IMMP1L: variants seen among roughly 807,000 people sequenced by gnomAD.
IMMP1L encodes the protein mitochondrial inner membrane protease subunit 1.
A neutral mutation model predicts 21.8 loss-of-function variants in IMMP1L; 24 were observed. The observed-to-expected ratio is 1.10, with a 90% CI of 0.80 to 1.55. IMMP1L has a LOEUF of 1.55. Ranked by LOEUF, IMMP1L falls within the 40% of genes most tolerant of loss-of-function variation. The pLI is 0.00. For missense variants in IMMP1L, 195 were observed against 200.7 expected (o/e 0.97, Z 0.17); for synonymous variants, 46 against 62.8 (o/e 0.73, Z 1.26).
chr11:31,451,091 T>C (rs527629962), intron 4 of IMMP1L, among the ~76,000 whole-genome samples: 1 of 152,146 alleles, frequency 6.6e-6, no homozygotes, highest in Non-Finnish European at 1.5e-5. Flanking sequence ...GATAAATGAA[T>C]GGGCATTATT....
At chr11:31,474,900 G>C (rs1048570910) in intron 1 of IMMP1L, among the ~76,000 whole-genome samples, 1 of 152,042 alleles carries the variant, frequency 6.6e-6, no homozygotes, top group Admixed American at 6.6e-5. Context: ...CTACATCACA[G>C]AGCTAATGAA....
At chr11:31,479,367 C>T (rs1221023289) in intron 1 of IMMP1L, among the ~76,000 whole-genome samples, 1 of 151,996 alleles carries the variant, frequency 6.6e-6, no homozygotes, top group African/African-American at 2.4e-5. Context: ...TTATGTATCA[C>T]ACAGAAAGAT....
intron 1 of IMMP1L, among the ~76,000 whole-genome samples, chr11:31,470,142 C>T (rs1368343635): frequency 6.6e-6 from 1 of 152,172 alleles, no homozygotes; most frequent in African/African-American, 2.4e-5. Flanking sequence ...GGGCTGGGTG[C>T]AGTGGCTCAT....
At chr11:31,472,930 A>G (rs555493756) in intron 1 of IMMP1L, among the ~76,000 whole-genome samples, 12 of 152,106 alleles carry the variant, frequency 7.9e-5, no homozygotes, top group Admixed American at 2.6e-4. Context: ...CAGTGGCGCA[A>G]TCCCAGCTCA....
At chr11:31,477,902 T>A (rs1238245981) in intron 1 of IMMP1L, 2 of 152,200 alleles carry the variant, frequency 1.3e-5, no homozygotes, top group Non-Finnish European at 2.9e-5. Flanking sequence ...ATCCTACAGC[T>A]ACAAATCAAG....
At chr11:31,490,341 G>A (rs535597953) in intron 1 of IMMP1L, among the ~76,000 whole-genome samples, 14 of 151,930 alleles carry the variant, frequency 9.2e-5, no homozygotes, top group South Asian at 6.3e-4. Context: ...GCATCGTGGC[G>A]CGCGCCTGTA....
At chr11:31,441,325 C>CT (rs755909397) in intron 4 of IMMP1L, among the ~76,000 whole-genome samples, 7,237 of 118,328 alleles carry the variant, frequency 0.061, 484 homozygotes, top group African/African-American at 0.16. Flanking sequence ...CAGGGTTGGG[C>CT]TTTTTTTTTT....
chr11:31,499,278 T>C (rs1246057061), intron 1 of IMMP1L, among the ~76,000 whole-genome samples: 3 of 151,946 alleles, frequency 2.0e-5, no homozygotes, highest in African/African-American at 7.3e-5. Flanking sequence ...GGCAGGAAAA[T>C]GGCGTGAACC....
rs145786685 is a variant in IMMP1L at position 31,436,679 on chromosome 11, G to C, written c.322-3109C>G. On this transcript the variant is annotated intron_variant, in intron 4 of 5. Coordinates refer to ENST00000532287, the MANE Select transcript of IMMP1L (RefSeq NM_001304274.2). ...ACTCCTGACCTCAAGCAATCCACCC[G>C]CCTCAGCCTCCCAGAGTGGTGGGAT... 8.1e-3 allele frequency among the ~76,000 whole-genome samples: 1,233 copies of C among 152,032 alleles called. 15 individuals carry two copies. The highest frequency in any genetic ancestry group is 0.028 in the African/African-American group (1,156 of 41,456).
intron 4 of IMMP1L, chr11:31,452,218 T>C (rs377228103): frequency 2.0e-6 from 2 of 984,612 alleles, no homozygotes; most frequent in African/African-American, 1.7e-5. Context: ...TTTTACAACA[T>C]GTTTGTTGAT....
Position 31,460,476 on chromosome 11 carries a change from G to GA in IMMP1L, c.194+149dup, listed in dbSNP as rs201106760. 4.3e-3 allele frequency: 2,493 copies of GA among 573,342 alleles called. 13 individuals carry two copies. Among genetic ancestry groups the GA allele is most frequent in the Non-Finnish European group, 5.8e-3 (1,831 of 316,190 alleles). 35.5% of individuals were successfully genotyped at this position (573,342 alleles called of 1,614,324 possible). ...TATTAAAATTTCTCAAACTGAAAGAGAATATTTGACTCAAAATTTTATCTA... is the reference window on the plus strand; with the variant it reads ...TATTAAAATTTCTCAAACTGAAAGAGAAATATTTGACTCAAAATTTTATCTA... On this transcript the variant is annotated intron_variant, in intron 3 of 5. Transcript: ENST00000532287.
At chr11:31,451,462 A>G (rs993125554) in intron 4 of IMMP1L, among the ~76,000 whole-genome samples, 2 of 152,180 alleles carry the variant, frequency 1.3e-5, no homozygotes, top group Non-Finnish European at 2.9e-5. Flanking sequence ...TTATATATAG[A>G]AGGTATAATC....
At position 31,463,160 on chromosome 11, in the gene IMMP1L, A is replaced by G; in HGVS notation, c.105+12T>C. The G allele has an allele frequency of 6.3e-7, 1 of 1,589,902 alleles. No individual in the cohort carries two copies. The highest frequency in any genetic ancestry group is 8.5e-7 in the Non-Finnish European group (1 of 1,169,754). On this transcript the variant is annotated intron_variant, in intron 2 of 5. Transcript: ENST00000532287. The stretch of plus-strand genomic sequence containing the variant: ...ATATTTAAGATGAATATTCTTGAAC[A>G]TAAAAACTTACCATGACAACACCAC...
chr11:31,447,310 A>G (rs1310864978), intron 4 of IMMP1L, among the ~76,000 whole-genome samples: 1 of 152,142 alleles, frequency 6.6e-6, no homozygotes. Context: ...AGGCAGCCTC[A>G]TTAAGGAAGA....
intron 1 of IMMP1L, among the ~76,000 whole-genome samples, chr11:31,493,525 C>A (rs1029815328): frequency 6.6e-6 from 1 of 152,116 alleles, no homozygotes; most frequent in Non-Finnish European, 1.5e-5. Flanking sequence ...CAAACCATAT[C>A]ATTCCACCCC....
chr11:31,472,516 G>T (rs1001566573), intron 1 of IMMP1L, among the ~76,000 whole-genome samples: 1 of 152,070 alleles, frequency 6.6e-6, no homozygotes, highest in Admixed American at 6.5e-5. Flanking sequence ...AACTTACCAT[G>T]TACCATGTGT....
chr11:31,473,074 G>A (rs796915574), intron 1 of IMMP1L, among the ~76,000 whole-genome samples: 27 of 151,870 alleles, frequency 1.8e-4, no homozygotes, highest in African/African-American at 6.5e-4. Flanking sequence ...TTTTGAGACG[G>A]AGTCTCGCTC....
intron 1 of IMMP1L, among the ~76,000 whole-genome samples, chr11:31,491,991 G>C (rs1457152118): frequency 6.6e-6 from 1 of 152,086 alleles, no homozygotes; most frequent in African/African-American, 2.4e-5. Context: ...AAGGGCCTTG[G>C]GATTTTCATA....
chr11:31,433,827 C>T (rs1280746292), intron 4 of IMMP1L: 1 of 313,800 alleles, frequency 3.2e-6, no homozygotes, highest in Admixed American at 4.7e-5. Flanking sequence ...GTTATACAAA[C>T]CCCAAACTGA....
Sources: allele counts gnomAD v4.1 joint callset (sites outside exome capture counted in the v4.1 genomes callset), GRCh38; gene constraint gnomAD v4.1.1; transcripts MANE v1.5; gene names NCBI Gene and HGNC (gene_info 2026-07-23, HGNC 2026-07-21).